Variants in CNTNAP4 observed in about 807,000 individuals in gnomAD.
CNTNAP4 encodes the protein contactin associated protein family member 4.
A neutral mutation model predicts 148.4 loss-of-function variants in CNTNAP4; 98 were observed. That is an observed-to-expected ratio of 0.66 (90% confidence interval 0.56 to 0.78). CNTNAP4 has a LOEUF of 0.78. CNTNAP4 is among the 30% of genes least tolerant of loss of function. CNTNAP4 has a pLI of 0.00. For missense variants in CNTNAP4, 1,935 were observed against 1,565.6 expected (o/e 1.24, Z -3.98); for synonymous variants, 730 against 565.1 (o/e 1.29, Z -4.14).
rs1321346787 is a variant in CNTNAP4, at chr16:76,553,268, T to A, written c.3443-15T>A. The stretch of plus-strand genomic sequence containing the variant: ...TTTTCACTACTAATATTTCGGTGTT[T>A]CTTTGAATTTCTAGAACACAGTGAT... On this transcript the variant is annotated splice_polypyrimidine_tract_variant and intron_variant, in intron 21 of 23. Transcript: ENST00000611870. 2 of 1,534,982 alleles carry A rather than the reference T, an allele frequency of 1.3e-6. No individual in the cohort carries two copies. The highest frequency in any genetic ancestry group is 1.8e-6 in the Non-Finnish European group (2 of 1,117,394).
At chr16:76,442,099 T>C (rs2080066540) in intron 4 of CNTNAP4, among the ~76,000 whole-genome samples, 1 of 152,064 alleles carries the variant, frequency 6.6e-6, no homozygotes, top group African/African-American at 2.4e-5. Flanking sequence ...TTTTGGTTTA[T>C]CCAGGCGGAC....
intron 3 of CNTNAP4, among the ~76,000 whole-genome samples, chr16:76,413,624 T>TA (rs1163623185): frequency 6.6e-6 from 1 of 151,222 alleles, no homozygotes; most frequent in African/African-American, 2.4e-5. Context: ...TCCATTTTGT[T>TA]ACATTTCCAC....
chr16:76,339,602 C>G (rs1018952773), intron 2 of CNTNAP4, among the ~76,000 whole-genome samples: 1 of 152,148 alleles, frequency 6.6e-6, no homozygotes, highest in Non-Finnish European at 1.5e-5. Context: ...GAAATGTCGC[C>G]TTTGCTCATT....
chr16:76,298,282 T>C (rs986729920), intron 1 of CNTNAP4, among the ~76,000 whole-genome samples: 11 of 152,206 alleles, frequency 7.2e-5, no homozygotes, highest in African/African-American at 2.7e-4. Flanking sequence ...TAGAACTGTG[T>C]GTTTAATCAA....
At chr16:76,475,344 G>C (rs2081532332) in intron 10 of CNTNAP4, among the ~76,000 whole-genome samples, 1 of 152,178 alleles carries the variant, frequency 6.6e-6, no homozygotes, top group Non-Finnish European at 1.5e-5. Context: ...CCTCAAGCTA[G>C]TTAGTCACAC....
intron 3 of CNTNAP4, among the ~76,000 whole-genome samples, chr16:76,357,919 A>G (rs995560736): frequency 1.1e-4 from 17 of 152,200 alleles, no homozygotes; most frequent in South Asian, 6.2e-4. Flanking sequence ...AGTGTGGCAC[A>G]TGACTTTTGC....
intron 23 of CNTNAP4, among the ~76,000 whole-genome samples, chr16:76,555,667 T>A (rs1346466610): frequency 3.3e-5 from 5 of 152,242 alleles, no homozygotes; most frequent in Admixed American, 1.3e-4. Context: ...TGCTCAAACA[T>A]CATTGGCAAG....
intron 2 of CNTNAP4, among the ~76,000 whole-genome samples, chr16:76,354,836 G>C (rs1456131520): frequency 6.6e-6 from 1 of 152,102 alleles, no homozygotes; most frequent in Non-Finnish European, 1.5e-5. Flanking sequence ...CTTGACTTTT[G>C]TTTTCCCAGA....
chr16:76,383,122 TTTA>T (rs976625244), intron 3 of CNTNAP4, among the ~76,000 whole-genome samples: 153 of 152,084 alleles, frequency 1.0e-3, no homozygotes, highest in African/African-American at 3.5e-3. Context: ...CTTTTTTTTT[TTTA>T]ATTACTAAAC....
chr16:76,403,374 T>A (rs765713625), intron 3 of CNTNAP4, among the ~76,000 whole-genome samples: 176 of 152,264 alleles, frequency 1.2e-3, no homozygotes, highest in Non-Finnish European at 1.6e-3. Flanking sequence ...ATTACAGGCT[T>A]GAGCCACTGC....
At chr16:76,317,482 T>A (rs899865322) in intron 2 of CNTNAP4, among the ~76,000 whole-genome samples, 2 of 152,172 alleles carry the variant, frequency 1.3e-5, no homozygotes, top group African/African-American at 4.8e-5. Flanking sequence ...TAAGGTAAAA[T>A]TCATCTGCAC....
At chr16:76,377,026 G>A (rs576677763) in intron 3 of CNTNAP4, among the ~76,000 whole-genome samples, 163 of 151,840 alleles carry the variant, frequency 1.1e-3, no homozygotes, top group African/African-American at 3.3e-3. Context: ...TCGTGCAATC[G>A]ACAGGCTTGG....
intron 2 of CNTNAP4, among the ~76,000 whole-genome samples, chr16:76,333,779 G>GTTTTTTTTTTTTTTTTTTTTTTT (rs549878036): frequency 4.4e-5 from 2 of 45,616 alleles, no homozygotes; most frequent in Non-Finnish European, 8.6e-5. Context: ...TGGGTTATAG[G>GTTTTTTTTTTTTTTTTTTTTTTT]TTTTTTTTTT....
At chr16:76,315,825 C>T (rs966242337) in intron 1 of CNTNAP4, among the ~76,000 whole-genome samples, 1 of 151,954 alleles carries the variant, frequency 6.6e-6, no homozygotes, top group African/African-American at 2.4e-5. Flanking sequence ...GAACTCCTGA[C>T]ATCCAGTAAT....
At chr16:76,548,324 A>C (rs1041957086) in intron 21 of CNTNAP4, among the ~76,000 whole-genome samples, 5 of 112,544 alleles carry the variant, frequency 4.4e-5, no homozygotes, top group African/African-American at 1.7e-4. Flanking sequence ...TTTTTTGGCA[A>C]GCCTTCTTAA....
At chr16:76,337,649 C>G (rs775548515) in intron 2 of CNTNAP4, among the ~76,000 whole-genome samples, 8 of 152,142 alleles carry the variant, frequency 5.3e-5, no homozygotes, top group Non-Finnish European at 1.0e-4. Flanking sequence ...ACTGATCTGA[C>G]TAGAATTCAC....
intron 17 of CNTNAP4, among the ~76,000 whole-genome samples, chr16:76,533,771 T>G (rs1223830441): frequency 1.3e-5 from 2 of 152,156 alleles, no homozygotes; most frequent in Non-Finnish European, 2.9e-5. Flanking sequence ...ATTAACTCCA[T>G]GCCTACCATG....
At chr16:76,411,865 A>G (rs2078809130) in intron 3 of CNTNAP4, among the ~76,000 whole-genome samples, 1 of 151,410 alleles carries the variant, frequency 6.6e-6, no homozygotes, top group Non-Finnish European at 1.5e-5. Context: ...TGTATATACA[A>G]CTCATTGGAC....
intron 3 of CNTNAP4, among the ~76,000 whole-genome samples, chr16:76,420,248 A>T (rs1020288310): frequency 6.6e-6 from 1 of 151,982 alleles, no homozygotes; most frequent in Non-Finnish European, 1.5e-5. Flanking sequence ...TGTAGAATAT[A>T]TATTAGAATA....
Sources: gnomAD v4.1 joint callset for allele counts (sites outside exome capture counted in the v4.1 genomes callset) on GRCh38, gnomAD v4.1.1 for gene constraint, MANE v1.5 for transcripts, NCBI Gene and HGNC (gene_info 2026-07-23, HGNC 2026-07-21) for gene names.